Variants in NIBAN1 observed in about 807,000 individuals in gnomAD.
NIBAN1 encodes the protein protein Niban 1.
A neutral mutation model predicts 75.1 loss-of-function variants in NIBAN1; 81 were observed. The ratio of observed to expected loss-of-function variants is 1.08; its 90% CI spans 0.90 to 1.30. The LOEUF (loss-of-function observed/expected upper bound fraction) is 1.30, where lower values mean the gene tolerates loss of function less well. NIBAN1 is among the 50% of genes most tolerant of loss of function. The pLI is 0.00. For synonymous variants in NIBAN1, 436 were observed against 424.8 expected, an observed-to-expected ratio of 1.03 and a Z score of -0.32; for missense variants, 1,133 against 1,128.1, an observed-to-expected ratio of 1.00 and a Z score of -0.06.
chr1:184,890,283 T>C (rs1304301425), intron 3 of NIBAN1, 61 bp from the exon 4 acceptor site: 12 of 1,160,074 alleles, frequency 1.0e-5, no homozygotes, highest in Middle Eastern at 1.9e-4. Context: ...TTGGAAAATA[T>C]CAGGGATATA....
At chr1:184,802,572 C>T (rs557125810) in intron 12 of NIBAN1, among the ~76,000 whole-genome samples, 82 of 152,240 alleles carry the variant, frequency 5.4e-4, no homozygotes, top group African/African-American at 1.9e-3. Flanking sequence ...ATATCTAATA[C>T]GCTATGAGGA....
Position 184,812,512 on chromosome 1 carries a change from C to A in NIBAN1, c.1174-4277G>T, listed in dbSNP as rs888551484. ...TACCAGTCAGATTTCTGGCTTCTCT[C>A]TATATATAAAAACAGTCGAATGAAT... On this transcript the variant is annotated intron_variant, in intron 9 of 13. Coordinates refer to ENST00000367511, the MANE Select transcript of NIBAN1 (RefSeq NM_052966.4). Among the ~76,000 whole-genome samples, 14 of 152,266 alleles carry A rather than the reference C, an allele frequency of 9.2e-5. No homozygotes were observed. The East Asian group carries it at 2.5e-3, about 27-fold the overall frequency.
chr1:184,954,614 G>GA (rs1180416343), intron 1 of NIBAN1, among the ~76,000 whole-genome samples: 4 of 152,170 alleles, frequency 2.6e-5, no homozygotes, highest in African/African-American at 9.7e-5. Context: ...GTCTAGGGTT[G>GA]AAAATACATC....
chr1:184,930,645 C>T (rs577529879), intron 1 of NIBAN1, among the ~76,000 whole-genome samples: 1 of 152,272 alleles, frequency 6.6e-6, no homozygotes, highest in African/African-American at 2.4e-5. Flanking sequence ...ATTAAATAAA[C>T]TCCTAACTGG....
chr1:184,828,632 C>T (rs879274349), intron 6 of NIBAN1, among the ~76,000 whole-genome samples: 1 of 152,164 alleles, frequency 6.6e-6, no homozygotes, highest in Non-Finnish European at 1.5e-5. Context: ...TTCTCCAAGC[C>T]GGTTTAAAAT....
chr1:184,934,851 T>C (rs1210702423), intron 1 of NIBAN1, among the ~76,000 whole-genome samples: 1 of 150,982 alleles, frequency 6.6e-6, no homozygotes, highest in Non-Finnish European at 1.5e-5. Flanking sequence ...GCCAAGATCA[T>C]GCCACTGCAC....
At chr1:184,860,269 G>A (rs564699996) in intron 5 of NIBAN1, among the ~76,000 whole-genome samples, 6 of 151,428 alleles carry the variant, frequency 4.0e-5, no homozygotes, top group African/African-American at 7.3e-5. Context: ...ATAGCACTGC[G>A]GCGGGGGCGG....
At chr1:184,883,903 G>A (rs552406218) in intron 5 of NIBAN1, among the ~76,000 whole-genome samples, 7 of 152,256 alleles carry the variant, frequency 4.6e-5, no homozygotes, top group Admixed American at 4.6e-4. Context: ...AGAAATAAAG[G>A]TGAAAATAAA....
At chr1:184,914,204 A>G (rs912274407) in intron 1 of NIBAN1, among the ~76,000 whole-genome samples, 1 of 152,220 alleles carries the variant, frequency 6.6e-6, no homozygotes, top group Admixed American at 6.5e-5. Flanking sequence ...TGGTTCCACT[A>G]CGTATTAATT....
chr1:184,963,687 A>G (rs965435296), intron 1 of NIBAN1, among the ~76,000 whole-genome samples: 53 of 152,316 alleles, frequency 3.5e-4, no homozygotes, highest in African/African-American at 1.3e-3. Flanking sequence ...AAAGGCACCA[A>G]TAAATAAACT....
chr1:184,909,367 T>C (rs938246935), intron 1 of NIBAN1, among the ~76,000 whole-genome samples: 1 of 152,204 alleles, frequency 6.6e-6, no homozygotes, highest in Admixed American at 6.5e-5. Context: ...TTTGAAATGC[T>C]TGCTTTATAT....
Position 184,890,204 on chromosome 1 carries a change from C to A in NIBAN1, c.337G>T (p.Ala113Ser). ...ENKEAYQRGA[A>S]PKCRILPAGG... ...GCTGGAAGAATTCGACATTTAGGAG[C>A]AGCTCCTCTCTGATAGGCCTGGGGA... The change falls in exon 4 of 14, where the codon GCT becomes TCT. Residue 113 changes from alanine (A) to serine (S), a missense_variant. Transcript: ENST00000367511. 6.2e-7 allele frequency: 1 copy of A among 1,613,788 alleles called. No homozygotes were observed. Among genetic ancestry groups the A allele is most frequent in the East Asian group, 2.2e-5 (1 of 44,874 alleles).
intron 5 of NIBAN1, among the ~76,000 whole-genome samples, chr1:184,875,248 C>A (rs1656202126): frequency 6.6e-6 from 1 of 152,116 alleles, no homozygotes; most frequent in Non-Finnish European, 1.5e-5. Context: ...TGCTGTAAAA[C>A]AAATTACCCC....
intron 1 of NIBAN1, among the ~76,000 whole-genome samples, chr1:184,971,420 C>T (rs1658933257): frequency 6.6e-6 from 1 of 152,004 alleles, no homozygotes; most frequent in Non-Finnish European, 1.5e-5. Context: ...GCCTATAATC[C>T]CAGCACTTTG....
At chr1:184,807,306 A>G (rs1654227904) in intron 10 of NIBAN1, among the ~76,000 whole-genome samples, 1 of 141,732 alleles carries the variant, frequency 7.1e-6, no homozygotes, top group South Asian at 2.3e-4. Flanking sequence ...GTTACTGGGG[A>G]AAAGGTTCCT....
In NIBAN1 at chr1:184,901,099, C is replaced by T. The variant is rs138873019; in HGVS notation, c.56-1790G>A. Among the ~76,000 whole-genome samples, 4 of 152,254 alleles carry T rather than the reference C, an allele frequency of 2.6e-5. No homozygotes were observed. In the East Asian group the frequency reaches 5.8e-4, roughly 22 times the overall value. On this transcript the variant is annotated intron_variant, in intron 1 of 13. Coordinates refer to ENST00000367511, the MANE Select transcript of NIBAN1 (RefSeq NM_052966.4). The stretch of plus-strand genomic sequence containing the variant: ...AAGCCTATAGAACCATAGCCAAAAA[C>T]ACCCATAATGTATGAATACTCTCCA...
intron 2 of NIBAN1, among the ~76,000 whole-genome samples, chr1:184,898,304 C>G (rs114523683): frequency 2.0e-5 from 3 of 152,152 alleles, no homozygotes; most frequent in African/African-American, 7.2e-5. Flanking sequence ...GAGGGCTTCC[C>G]TAACCATCTT....
intron 1 of NIBAN1, among the ~76,000 whole-genome samples, chr1:184,910,230 C>T (rs1571566445): frequency 2.0e-5 from 3 of 152,208 alleles, no homozygotes; most frequent in Admixed American, 6.5e-5. Context: ...AGACTACATT[C>T]CACTACATTC....
intron 1 of NIBAN1, among the ~76,000 whole-genome samples, chr1:184,950,342 G>T (rs181194850): frequency 3.3e-5 from 5 of 152,328 alleles, no homozygotes; most frequent in Admixed American, 2.0e-4. Flanking sequence ...GTAAGTGAAT[G>T]ATGAGAAGGA....
Sources: gnomAD v4.1 joint callset for allele counts (sites outside exome capture counted in the v4.1 genomes callset) on GRCh38, gnomAD v4.1.1 for gene constraint, MANE v1.5 for transcripts, NCBI Gene and HGNC (gene_info 2026-07-23, HGNC 2026-07-21) for gene names.